Variants in GRID1 observed in about 807,000 individuals in gnomAD.
The protein encoded by GRID1 is glutamate receptor ionotropic, delta-1.
GRID1 carries 28 observed loss-of-function variants against 98.0 expected under a neutral mutation model. The observed-to-expected ratio is 0.29, with a 90% CI of 0.21 to 0.39. GRID1 has a LOEUF of 0.39. GRID1 is among the 10% of genes least tolerant of loss of function. The pLI is 1.00. For missense variants in GRID1, 1,111 were observed against 1,340.5 expected (o/e 0.83, Z 2.67); for synonymous variants, 553 against 538.5 (o/e 1.03, Z -0.37).
Position 86,206,729 on chromosome 10 carries a change from G to C in GRID1, c.236-81C>G. The C allele has an allele frequency of 7.5e-7, 1 of 1,341,906 alleles. No homozygotes were observed. The allele number at this position is 1,341,906 out of a possible 1,614,324, so 83.1% of individuals were successfully genotyped here. On this transcript the variant is annotated intron_variant, in intron 2 of 15. Coordinates refer to ENST00000327946, the MANE Select transcript of GRID1 (RefSeq NM_017551.3). The surrounding 1 kb of genome is among the most constrained non-coding windows in gnomAD (Gnocchi z 4.1). ...GCTTCAACCTGCAGGCCCCATGCCT[G>C]GCAGCTCATGCCCAGGACTCCCAAG...
chr10:85,692,677 A>AAAG (rs1554825171), intron 12 of GRID1, among the ~76,000 whole-genome samples: 3 of 150,108 alleles, frequency 2.0e-5, no homozygotes, highest in African/African-American at 2.5e-5. Flanking sequence ...AAAAAAAAAA[A>AAAG]AAGAAGAAGA....
chr10:86,156,441 C>A (rs569997635), intron 3 of GRID1, among the ~76,000 whole-genome samples: 2 of 152,226 alleles, frequency 1.3e-5, no homozygotes, highest in East Asian at 3.9e-4. Flanking sequence ...GCGCTCTAGA[C>A]AAAGCTGGTA....
At chr10:86,040,942 TG>T (rs1589347892) in intron 4 of GRID1, among the ~76,000 whole-genome samples, 1 of 152,054 alleles carries the variant, frequency 6.6e-6, no homozygotes, top group East Asian at 1.9e-4. Flanking sequence ...CAGCCCAAGG[TG>T]GGGCTGTCTC....
chr10:86,287,604 A>G (rs1479890819), intron 2 of GRID1, among the ~76,000 whole-genome samples: 1 of 152,142 alleles, frequency 6.6e-6, no homozygotes, highest in Non-Finnish European at 1.5e-5. Context: ...CCCTGACCAC[A>G]ACCATCAGAG....
chr10:86,332,093 C>G (rs7905184), intron 2 of GRID1, among the ~76,000 whole-genome samples: 135,978 of 152,284 alleles, frequency 0.89, 60,971 homozygotes, highest in Non-Finnish European at 0.94. Flanking sequence ...TGGGAAACCC[C>G]GAGTCCAGGC....
intron 12 of GRID1, among the ~76,000 whole-genome samples, chr10:85,681,703 C>T (rs1049381794): frequency 2.6e-5 from 4 of 152,198 alleles, no homozygotes; most frequent in African/African-American, 7.2e-5. Context: ...CTTCAGCCCA[C>T]GCACCTGACA....
chr10:86,185,133 T>C (rs1376569611), intron 3 of GRID1, among the ~76,000 whole-genome samples: 1 of 152,148 alleles, frequency 6.6e-6, no homozygotes, highest in Non-Finnish European at 1.5e-5. Context: ...TGTCTCTCCA[T>C]TTATCTTGAT....
intron 6 of GRID1, among the ~76,000 whole-genome samples, chr10:85,860,969 C>G (rs1335900482): frequency 6.6e-6 from 1 of 152,176 alleles, no homozygotes; most frequent in Non-Finnish European, 1.5e-5. Context: ...AAGTACTATT[C>G]TAAGATCTTT....
chr10:85,919,316 G>A (rs1181132844), intron 4 of GRID1, among the ~76,000 whole-genome samples: 2 of 152,234 alleles, frequency 1.3e-5, no homozygotes, highest in Non-Finnish European at 2.9e-5. Flanking sequence ...AGGACAACTG[G>A]TCAACTTTTC....
chr10:85,931,340 AC>A (rs1841848238), intron 4 of GRID1, among the ~76,000 whole-genome samples: 1 of 152,178 alleles, frequency 6.6e-6, no homozygotes, highest in African/African-American at 2.4e-5. Flanking sequence ...ATCTGGAGAC[AC>A]ATGTCCTTTA....
In GRID1 at chr10:86,018,617, T is replaced by A. The variant is rs934446932; in HGVS notation, c.727-102378A>T. Among the ~76,000 whole-genome samples, 3 of 152,176 alleles carry A rather than the reference T, an allele frequency of 2.0e-5. No homozygotes were observed. In the East Asian group the frequency reaches 5.8e-4, roughly 29 times the overall value. On this transcript the variant is annotated intron_variant, in intron 4 of 15. Transcript: ENST00000327946. Reference sequence around the variant, plus strand: ...CAGGTGCCCACGCCTTCCAGAGCTGTTTCTTCCAAACCTCCTGTGAGTGCC... The same window carrying A: ...CAGGTGCCCACGCCTTCCAGAGCTGATTCTTCCAAACCTCCTGTGAGTGCC...
intron 4 of GRID1, among the ~76,000 whole-genome samples, chr10:86,125,553 C>T (rs1844740151): frequency 6.6e-6 from 1 of 152,184 alleles, no homozygotes; most frequent in Non-Finnish European, 1.5e-5. Flanking sequence ...ATAAAAAGAA[C>T]ATGAGCTTCT....
intron 14 of GRID1, 95 bp downstream of exon 14, chr10:85,619,772 G>T: frequency 2.2e-6 from 2 of 913,068 alleles, no homozygotes; most frequent in Non-Finnish European, 3.4e-6. Context: ...GAACAAAGAT[G>T]TTTGCATTGG....
At chr10:86,090,490 A>T (rs189123325) in intron 4 of GRID1, among the ~76,000 whole-genome samples, 8 of 152,194 alleles carry the variant, frequency 5.3e-5, no homozygotes, top group Non-Finnish European at 8.8e-5. Flanking sequence ...CTGAAATTTT[A>T]AAAAAATGAA....
At chr10:85,914,447 C>T (rs1343892907) in intron 5 of GRID1, among the ~76,000 whole-genome samples, 1 of 152,072 alleles carries the variant, frequency 6.6e-6, no homozygotes, top group Non-Finnish European at 1.5e-5. Flanking sequence ...CCCAGAGAAT[C>T]CAAACTTCTC....
chr10:86,275,930 T>A (rs79558396), intron 2 of GRID1, among the ~76,000 whole-genome samples: 1,729 of 152,310 alleles, frequency 0.011, 40 homozygotes, highest in African/African-American at 0.04. Context: ...AAGAGTTCAG[T>A]GAACTCCAAG....
rs1355833400 is a variant in GRID1, at chr10:86,192,324, T to C, written c.520+14040A>G. 6.6e-6 allele frequency among the ~76,000 whole-genome samples: 1 copy of C among 152,122 alleles called. No homozygotes were observed. The highest frequency in any genetic ancestry group is 2.4e-5 in the African/African-American group (1 of 41,416). ...GGATGAATAGGTCAATAAAATTCTG[T>C]CTATCCACACAATGGAATATTACTC... On this transcript the variant is annotated intron_variant, in intron 3 of 15. Coordinates refer to ENST00000327946, the MANE Select transcript of GRID1 (RefSeq NM_017551.3). This position sits in a 1 kb window ranked among gnomAD's most constrained non-coding sequence, Gnocchi z 4.8.
chr10:86,158,251 C>A (rs1237697524), intron 3 of GRID1, among the ~76,000 whole-genome samples: 3 of 152,192 alleles, frequency 2.0e-5, no homozygotes, highest in Non-Finnish European at 4.4e-5. Context: ...TAAGGTGCCT[C>A]TCACCTCTCT....
chr10:85,991,295 T>C (rs1842677012), intron 4 of GRID1, among the ~76,000 whole-genome samples: 1 of 152,086 alleles, frequency 6.6e-6, no homozygotes, highest in Non-Finnish European at 1.5e-5. Context: ...AGAGTCATTC[T>C]GAGAGGTGGG....
Sources: allele counts gnomAD v4.1 joint callset (sites outside exome capture counted in the v4.1 genomes callset), GRCh38; gene constraint gnomAD v4.1.1; non-coding constraint Gnocchi (gnomAD v3.1); transcripts MANE v1.5; gene names NCBI Gene and HGNC (gene_info 2026-07-23, HGNC 2026-07-21).